Variants in MAP3K5 observed in about 807,000 individuals in gnomAD.
MAP3K5 encodes the protein ASK-1.
Under a neutral mutation model 158.7 loss-of-function variants are expected in MAP3K5, and 56 were observed. The ratio of observed to expected loss-of-function variants is 0.35; its 90% CI spans 0.28 to 0.44. The LOEUF (loss-of-function observed/expected upper bound fraction) is 0.44. Ranked by LOEUF, MAP3K5 falls within the 20% of genes least tolerant of loss-of-function variation. The pLI is 1.00. For synonymous variants in MAP3K5, 579 were observed against 601.7 expected, an observed-to-expected ratio of 0.96 and a Z score of 0.55; for missense variants, 1,294 against 1,674.8, an observed-to-expected ratio of 0.77 and a Z score of 3.97.
intron 21 of MAP3K5, among the ~76,000 whole-genome samples, chr6:136,595,901 T>C (rs1183142890): frequency 6.6e-6 from 1 of 152,046 alleles, no homozygotes; most frequent in Non-Finnish European, 1.5e-5. Context: ...TGACAGCTAC[T>C]CAGGAGGCTG....
intron 1 of MAP3K5, among the ~76,000 whole-genome samples, chr6:136,751,863 G>A (rs955870766): frequency 1.3e-5 from 2 of 152,196 alleles, no homozygotes; most frequent in Non-Finnish European, 2.9e-5. Context: ...CTTTCGGAAG[G>A]TTGCCACCCT....
intron 23 of MAP3K5, among the ~76,000 whole-genome samples, chr6:136,591,852 T>C (rs1178598584): frequency 2.6e-5 from 4 of 152,232 alleles, no homozygotes; most frequent in African/African-American, 4.8e-5. Context: ...TGTGTGTTTA[T>C]TGATGGAATG....
chr6:136,778,491 T>C (rs1784483682), intron 1 of MAP3K5, among the ~76,000 whole-genome samples: 2 of 152,206 alleles, frequency 1.3e-5, no homozygotes, highest in South Asian at 4.1e-4. Flanking sequence ...ATTAAATTGC[T>C]GAATTCAAAT....
chr6:136,659,843 T>C (rs1265012487), intron 8 of MAP3K5, among the ~76,000 whole-genome samples: 1 of 152,232 alleles, frequency 6.6e-6, no homozygotes, highest in Non-Finnish European at 1.5e-5. Context: ...CACTGAAGCG[T>C]GCACTTCAAA....
intron 3 of MAP3K5, among the ~76,000 whole-genome samples, chr6:136,699,833 C>T (rs1780767030): frequency 6.6e-6 from 1 of 152,200 alleles, no homozygotes; most frequent in Non-Finnish European, 1.5e-5. Context: ...ATGGCTCACG[C>T]CTGTAATCCC....
intron 2 of MAP3K5, among the ~76,000 whole-genome samples, chr6:136,717,046 T>C (rs1219392802): frequency 6.6e-6 from 1 of 151,566 alleles, no homozygotes; most frequent in Non-Finnish European, 1.5e-5. Context: ...TAATCCCAGC[T>C]ACTCTGGAGG....
chr6:136,606,468 GC>G (rs1162889888), intron 18 of MAP3K5, among the ~76,000 whole-genome samples: 1 of 152,186 alleles, frequency 6.6e-6, no homozygotes, highest in Non-Finnish European at 1.5e-5. Flanking sequence ...GGGGCCACGA[GC>G]CCTTAGTCTG....
intron 2 of MAP3K5, among the ~76,000 whole-genome samples, chr6:136,719,553 A>G (rs1781665617): frequency 6.6e-6 from 1 of 152,264 alleles, no homozygotes. Flanking sequence ...GATTTCTCAA[A>G]GAAAGCCACA....
intron 7 of MAP3K5, among the ~76,000 whole-genome samples, chr6:136,688,238 G>C (rs138506255): frequency 1.3e-5 from 2 of 152,100 alleles, no homozygotes; most frequent in Non-Finnish European, 2.9e-5. Flanking sequence ...ATGGACACAG[G>C]GAGGGGAACA....
chr6:136,786,078 T>A (rs944739286), intron 1 of MAP3K5, among the ~76,000 whole-genome samples: 2 of 152,020 alleles, frequency 1.3e-5, no homozygotes, highest in Admixed American at 1.3e-4. Context: ...TGATGTCTTT[T>A]AAAAAAAATT....
intron 1 of MAP3K5, among the ~76,000 whole-genome samples, chr6:136,790,458 A>C (rs1424815481): frequency 6.6e-6 from 1 of 152,230 alleles, no homozygotes; most frequent in Non-Finnish European, 1.5e-5. Flanking sequence ...CAAGCTACCC[A>C]AAGAATCAAG....
At position 136,557,515 on chromosome 6, in the gene MAP3K5, AGGGTT is replaced by A. The variant is rs1830302123; in HGVS notation, c.*238_*242del. 8.1e-6 allele frequency: 3 copies of A among 371,256 alleles called. No homozygotes were observed. The highest frequency in any genetic ancestry group is 1.5e-5 in the Non-Finnish European group (3 of 206,278). The allele number at this position is 371,256 out of a possible 1,614,324, so 23.0% of individuals were successfully genotyped here. A position where few individuals can be genotyped will look rare whatever the true frequency, so the allele number is the denominator to read the frequency against. The stretch of plus-strand genomic sequence containing the variant: ...TTAGATTAAAATCTTCCTGAACATT[AGGGTT>A]CTAATGTTCAGGATTATTTTAAGAG... On this transcript the variant is annotated 3_prime_UTR_variant, in exon 30 of 30. Coordinates refer to ENST00000359015, the MANE Select transcript of MAP3K5 (RefSeq NM_005923.4).
intron 1 of MAP3K5, among the ~76,000 whole-genome samples, chr6:136,754,573 G>A (rs1049458726): frequency 4.9e-5 from 7 of 143,856 alleles, no homozygotes; most frequent in African/African-American, 1.8e-4. Context: ...AACAGAGAGA[G>A]ACCGCTCTCA....
Position 136,614,147 on chromosome 6 carries a change from A to G in MAP3K5, c.2278+12T>C. ...AACATTCACACTTTTTAAAGAAAGA[A>G]ATATCTCTTACCTCCAGGGACCTGC... is the stretch of plus-strand genomic sequence containing the variant. On this transcript the variant is annotated intron_variant, in intron 16 of 29. Coordinates refer to ENST00000359015, the MANE Select transcript of MAP3K5 (RefSeq NM_005923.4). The G allele has an allele frequency of 6.2e-7, 1 of 1,608,456 alleles. No homozygotes were observed. Among genetic ancestry groups the G allele is most frequent in the Non-Finnish European group, 8.5e-7 (1 of 1,177,964 alleles).
intron 3 of MAP3K5, 152 bp from the exon 4 acceptor site, chr6:136,698,834 T>A (rs1780723370): frequency 1.8e-6 from 1 of 559,788 alleles, no homozygotes; most frequent in Non-Finnish European, 3.1e-6. Context: ...AATGAAAATT[T>A]CCCCAATTCC....
intron 10 of MAP3K5, among the ~76,000 whole-genome samples, chr6:136,652,071 A>C (rs1441325044): frequency 2.6e-5 from 4 of 152,168 alleles, no homozygotes; most frequent in Non-Finnish European, 4.4e-5. Context: ...ATCTTGAATC[A>C]AGCAAGTTTT....
chr6:136,580,272 T>C lies in MAP3K5; in HGVS notation c.3517+29A>G, dbSNP rs773927250. ...TAATCTAAAATATCCAAGCACTAAA[T>C]ATGTGCAGAGTAATTAAATATCTCT... is the stretch of plus-strand genomic sequence containing the variant. On this transcript the variant is annotated intron_variant, in intron 25 of 29. Transcript: ENST00000359015. The C allele has an allele frequency of 2.4e-5, 34 of 1,398,756 alleles. No homozygotes were observed. In the South Asian group the frequency reaches 3.7e-4, roughly 15 times the overall value. 86.6% of individuals were successfully genotyped at this position (1,398,756 alleles called of 1,614,324 possible).
chr6:136,581,128 C>T (rs1475473484), intron 24 of MAP3K5, among the ~76,000 whole-genome samples: 4 of 152,182 alleles, frequency 2.6e-5, no homozygotes, highest in Admixed American at 2.6e-4. Context: ...TTTCTCCCTC[C>T]CCACAGTCCC....
intron 27 of MAP3K5, among the ~76,000 whole-genome samples, chr6:136,562,010 A>G (rs1469848201): frequency 2.0e-5 from 3 of 152,222 alleles, no homozygotes; most frequent in African/African-American, 7.2e-5. Context: ...TTTTTCCACT[A>G]TGAAAGAGCC....
Sources: allele counts gnomAD v4.1 joint callset (sites outside exome capture counted in the v4.1 genomes callset), GRCh38; gene constraint gnomAD v4.1.1; transcripts MANE v1.5; gene names NCBI Gene and HGNC (gene_info 2026-07-23, HGNC 2026-07-21).